The following DMD variants were observed in gnomAD, a reference collection of about 807,000 sequenced individuals.
The protein encoded by DMD is dystrophin.
In DMD, 63 loss-of-function variants were observed where a neutral mutation model predicts 330.1. The ratio of observed to expected loss-of-function variants is 0.19; its 90% CI spans 0.16 to 0.24. DMD has a LOEUF of 0.24. DMD is among the 10% of genes least tolerant of loss of function. DMD has a pLI of 1.00. For missense variants in DMD, 3,344 were observed against 2,684.1 expected (o/e 1.25, Z -5.43); for synonymous variants, 1,223 against 959.8 (o/e 1.27, Z -5.07).
At chrX:32,983,964 CT>C (rs1184311556) in intron 2 of DMD, among the ~76,000 whole-genome samples, 2 of 111,147 alleles carry the variant, frequency 1.8e-5, no homozygotes, top group African/African-American at 6.5e-5. Context: ...TTTGAATGGA[CT>C]TTATGGACAT....
chrX:31,876,648 C>T (rs1314777611), intron 47 of DMD, among the ~76,000 whole-genome samples: 3 of 106,221 alleles, frequency 2.8e-5, no homozygotes, highest in East Asian at 2.9e-4. Context: ...CCCAGGAGTT[C>T]GAGGCCAGCC....
chrX:32,532,888 A>G (rs2047612268), intron 17 of DMD, among the ~76,000 whole-genome samples: 1 of 112,135 alleles, frequency 8.9e-6, no homozygotes, highest in African/African-American at 3.2e-5. Context: ...TTTACCCATT[A>G]GTGCCGGAAT....
Position 32,440,196 on chromosome X carries a change from T to C in DMD, c.3921+984A>G, listed in dbSNP as rs186082490. On this transcript the variant is annotated intron_variant, in intron 28 of 78. Coordinates refer to ENST00000357033, the MANE Select transcript of DMD (RefSeq NM_004006.3). Reference sequence around the variant, plus strand: ...CAACTTTTCTAGAACATGTAACACATTGCTGATTCACAAGAAATGTTTGGT... The same window carrying C: ...CAACTTTTCTAGAACATGTAACACACTGCTGATTCACAAGAAATGTTTGGT... Among the ~76,000 whole-genome samples, 54 of 111,912 alleles carry C rather than the reference T, an allele frequency of 4.8e-4. No individual in the cohort carries two copies. In the Admixed American group the frequency reaches 4.9e-3, roughly 10 times the overall value.
chrX:32,697,805 G>A (rs1374485492), intron 9 of DMD, 65 bp downstream of exon 9: 2 of 1,189,623 alleles, frequency 1.7e-6, no homozygotes, highest in East Asian at 3.0e-5. Context: ...GCAAGTAAAA[G>A]CAGTGTTAGA....
At chrX:33,145,242 T>G (rs889518075) in intron 1 of DMD, among the ~76,000 whole-genome samples, 34 of 111,934 alleles carry the variant, frequency 3.0e-4, no homozygotes, top group African/African-American at 9.4e-4. Context: ...AGAAATTCAG[T>G]GTCTTAGCAC....
chrX:31,713,194 C>T (rs777003635), intron 52 of DMD, among the ~76,000 whole-genome samples: 50 of 111,876 alleles, frequency 4.5e-4, no homozygotes, highest in African/African-American at 1.5e-3. Flanking sequence ...TGGGGTTTCA[C>T]GGAGCTGAAA....
intron 57 of DMD, among the ~76,000 whole-genome samples, chrX:31,490,137 A>G (rs998548356): frequency 5.3e-5 from 6 of 112,379 alleles, no homozygotes; most frequent in African/African-American, 1.9e-4. Flanking sequence ...TCAAACTTAT[A>G]CAAAAATGAT....
chrX:31,697,782 C>CT (rs781056181), intron 52 of DMD, among the ~76,000 whole-genome samples: 19 of 112,269 alleles, frequency 1.7e-4, no homozygotes, highest in Non-Finnish European at 3.0e-4. Context: ...AATTTCTGCA[C>CT]TGACTGTACA....
intron 2 of DMD, among the ~76,000 whole-genome samples, chrX:32,993,047 A>G (rs1007462597): frequency 1.8e-5 from 2 of 112,244 alleles, no homozygotes; most frequent in Non-Finnish European, 3.8e-5. Context: ...CCCTTTGGCA[A>G]AGCTCCCATT....
At chrX:33,012,498 TAA>T (rs1294262270) in intron 2 of DMD, among the ~76,000 whole-genome samples, 1 of 112,036 alleles carries the variant, frequency 8.9e-6, no homozygotes, top group Non-Finnish European at 1.9e-5. Flanking sequence ...TACTGCAAAC[TAA>T]GTTTACTTCA....
chrX:32,483,964 T>A (rs1435396528), intron 21 of DMD, among the ~76,000 whole-genome samples: 1 of 111,000 alleles, frequency 9.0e-6, no homozygotes, highest in Non-Finnish European at 1.9e-5. Context: ...TGGTGAATTC[T>A]TTAAATATTT....
intron 67 of DMD, among the ~76,000 whole-genome samples, chrX:31,192,977 G>A (rs1419336200): frequency 1.8e-5 from 2 of 111,656 alleles, no homozygotes; most frequent in Admixed American, 9.5e-5. Flanking sequence ...GAAGGTGCAA[G>A]TGAATACCCC....
intron 50 of DMD, among the ~76,000 whole-genome samples, chrX:31,812,714 G>A (rs2092499682): frequency 8.9e-6 from 1 of 111,808 alleles, no homozygotes; most frequent in South Asian, 3.7e-4. Context: ...GATACATGGT[G>A]CACTGATTAA....
At chrX:33,034,440 T>C (rs2094171722) in intron 1 of DMD, among the ~76,000 whole-genome samples, 1 of 111,774 alleles carries the variant, frequency 8.9e-6, no homozygotes, top group African/African-American at 3.3e-5. Context: ...CTCTGTTTCC[T>C]CACCTGTAGA....
intron 44 of DMD, among the ~76,000 whole-genome samples, chrX:32,095,180 C>T (rs2096497294): frequency 9.0e-6 from 1 of 111,180 alleles, no homozygotes; most frequent in South Asian, 3.8e-4. Context: ...ATAATAGGGC[C>T]CTGTCTTTTT....
At chrX:31,512,052 T>A (rs1203238431) in intron 55 of DMD, among the ~76,000 whole-genome samples, 1 of 110,016 alleles carries the variant, frequency 9.1e-6, no homozygotes, top group African/African-American at 3.3e-5. Flanking sequence ...GGTATCTCAT[T>A]GTGGTTTTGA....
chrX:33,009,154 GTATATATGTATATATATGTGTA>G lies in DMD; in HGVS notation c.93+10963_93+10984del, dbSNP rs1569548825. Among the ~76,000 whole-genome samples the G allele has an allele frequency of 1.5e-4, 3 of 20,172 alleles. 1 individual carries two copies. Among genetic ancestry groups the G allele is most frequent in the African/African-American group, 6.9e-4 (3 of 4,335 alleles). 17.5% of individuals were successfully genotyped at this position (20,172 alleles called of 115,157 possible). ...TATGTATATATATGTGTATATATAC[GTATATATGTATATATATGTGTA>G]TATATACGTATATATGTATATATGT... On this transcript the variant is annotated intron_variant, in intron 2 of 78. Transcript: ENST00000357033.
At chrX:31,671,197 C>G (rs2081763605) in intron 53 of DMD, among the ~76,000 whole-genome samples, 1 of 112,357 alleles carries the variant, frequency 8.9e-6, no homozygotes, top group African/African-American at 3.2e-5. Flanking sequence ...CAGGCGTGAG[C>G]CACCACACCT....
intron 44 of DMD, among the ~76,000 whole-genome samples, chrX:32,137,987 T>G (rs888411205): frequency 9.1e-6 from 1 of 109,997 alleles, no homozygotes; most frequent in African/African-American, 3.3e-5. Context: ...CAGATCTCGG[T>G]GGGCCCAGGA....
Sources: allele counts gnomAD v4.1 joint callset (sites outside exome capture counted in the v4.1 genomes callset), GRCh38; gene constraint gnomAD v4.1.1; transcripts MANE v1.5; gene names NCBI Gene and HGNC (gene_info 2026-07-23, HGNC 2026-07-21).